Variants in SRC observed in about 807,000 individuals in gnomAD.
SRC encodes proto-oncogene tyrosine-protein kinase Src.
A neutral mutation model predicts 62.9 loss-of-function variants in SRC; 13 were observed. The ratio of observed to expected loss-of-function variants is 0.21; its 90% confidence interval spans 0.13 to 0.33. SRC has a LOEUF of 0.33. Ranked by LOEUF, SRC falls within the 10% of genes least tolerant of loss-of-function variation. The probability of loss-of-function intolerance (pLI) is 1.00; values close to 1 mark genes in which losing one functional copy is unlikely to be tolerated. For missense variants in SRC, 457 were observed against 737.3 expected (o/e 0.62, Z 4.40); for synonymous variants, 302 against 317.5 (o/e 0.95, Z 0.52).
Position 37,365,333 on chromosome 20 carries a change from C to T in SRC, c.-173+56C>T, listed in dbSNP as rs112790817. The T allele has an allele frequency of 5.9e-3, 790 of 135,032 alleles. 5 individuals are homozygous for T. Among genetic ancestry groups the T allele is most frequent in the African/African-American group, 0.017 (630 of 37,142 alleles). The allele number at this position is 135,032 out of a possible 1,614,324, so 8.4% of individuals were successfully genotyped here. Reference sequence around the variant, plus strand: ...GAAAAGACATCAACACACACACACACACACACACACACACACACACACACA... The same window carrying T: ...GAAAAGACATCAACACACACACACATACACACACACACACACACACACACA... On this transcript the variant is annotated intron_variant, in intron 2 of 13. Transcript: ENST00000373578.
chr20:37,401,599 C>G lies in SRC; in HGVS notation c.1040-3C>G. ...AGCTGGAGCTGGGTCTCTCTCTGCC[C>G]AGGGAGTTTGCTGGACTTTCTCAAG... On this transcript the variant is annotated splice_region_variant and splice_polypyrimidine_tract_variant and intron_variant, in intron 10 of 13. Coordinates refer to ENST00000373578, the MANE Select transcript of SRC (RefSeq NM_198291.3). 1 of 1,609,828 alleles carries G rather than the reference C, an allele frequency of 6.2e-7. No homozygotes were observed. Among genetic ancestry groups the G allele is most frequent in the Non-Finnish European group, 8.5e-7 (1 of 1,177,938 alleles).
intron 10 of SRC, 24 bp downstream of exon 10, chr20:37,400,318 G>C (rs2070718894): frequency 6.3e-7 from 1 of 1,587,092 alleles, no homozygotes; most frequent in South Asian, 1.1e-5. Context: ...GGCCGGGGCA[G>C]GGGGCAGGGG....
intron 5 of SRC, among the ~76,000 whole-genome samples, chr20:37,390,388 CTTTT>C (rs562064689): frequency 1.1e-4 from 9 of 85,650 alleles, no homozygotes; most frequent in East Asian, 2.9e-4. Flanking sequence ...TCTGATCTGG[CTTTT>C]TTTTTTTTTT....
chr20:37,384,548 G>GGGA lies in SRC; in HGVS notation c.250+146_250+147insGAG. 1 of 957,592 alleles carries GGGA rather than the reference G, an allele frequency of 1.0e-6. No homozygotes were observed. The highest frequency in any genetic ancestry group is 1.3e-6 in the Non-Finnish European group (1 of 742,048). 59.3% of individuals were successfully genotyped at this position (957,592 alleles called of 1,614,324 possible). On this transcript the variant is annotated intron_variant, in intron 4 of 13. Coordinates refer to ENST00000373578, the MANE Select transcript of SRC (RefSeq NM_198291.3). This position sits in a 1 kb window ranked among gnomAD's most constrained non-coding sequence, Gnocchi z 6.7. Reference sequence around the variant, plus strand: ...CCCTGGGTGACTTGGGTGTCCGGGGGGTGGGGGGGCGGCCGTACACACTGT... The same window carrying GGGA: ...CCCTGGGTGACTTGGGTGTCCGGGGGGGAGTGGGGGGGCGGCCGTACACACTGT...
rs768806773 is a variant in SRC at position 37,393,878 on chromosome 20, CT to C, written c.351-15del. The C allele has an allele frequency of 4.4e-6, 7 of 1,597,952 alleles. No individual in the cohort carries two copies. In the African/African-American group the frequency reaches 9.4e-5, roughly 21 times the overall value. On this transcript the variant is annotated splice_polypyrimidine_tract_variant and intron_variant, in intron 5 of 13. Transcript: ENST00000373578. The stretch of plus-strand genomic sequence containing the variant: ...CGGCTCCCTTCTCCTTTCCTCCCTC[CT>C]TCTGTCCCTGCTCAGAGAGGGAGAC...
chr20:37,394,070 T>C (rs112063147), intron 6 of SRC, 77 bp downstream of exon 6: 5 of 1,559,446 alleles, frequency 3.2e-6, no homozygotes, highest in Non-Finnish European at 2.6e-6. Context: ...TGGGCTGGGG[T>C]GGGAGGTCTG....
At chr20:37,367,013 T>C (rs1257261324) in intron 2 of SRC, among the ~76,000 whole-genome samples, 2 of 152,106 alleles carry the variant, frequency 1.3e-5, no homozygotes, top group Non-Finnish European at 2.9e-5. Flanking sequence ...TTCCAATTTC[T>C]CCACATTCTT....
chr20:37,358,665 G>A (rs2016180039), intron 1 of SRC, among the ~76,000 whole-genome samples: 1 of 152,218 alleles, frequency 6.6e-6, no homozygotes. Context: ...TCTGATAGAG[G>A]CCCCTTTTCT....
chr20:37,356,903 C>T (rs888547853), intron 1 of SRC, among the ~76,000 whole-genome samples: 11 of 152,166 alleles, frequency 7.2e-5, no homozygotes, highest in Admixed American at 2.0e-4. Flanking sequence ...CAGACCTTGG[C>T]CTTTGAGAGC....
chr20:37,402,026 A>T lies in SRC; in HGVS notation c.1116+348A>T. On this transcript the variant is annotated intron_variant, in intron 11 of 13. Transcript: ENST00000373578. The surrounding 1 kb of genome is among the most constrained non-coding windows in gnomAD (Gnocchi z 6.2). ...CCTTTTTTTTTTTCATTTAATCCTCATCACGACCAGGAGTGACGAGGATTG... is the reference window on the plus strand; with the variant it reads ...CCTTTTTTTTTTTCATTTAATCCTCTTCACGACCAGGAGTGACGAGGATTG... 3 of 301,584 alleles carry T rather than the reference A, an allele frequency of 9.9e-6. No individual in the cohort carries two copies. Among genetic ancestry groups the T allele is most frequent in the Non-Finnish European group, 1.8e-5 (3 of 165,080 alleles). The allele number at this position is 301,584 out of a possible 1,614,324, so 18.7% of individuals were successfully genotyped here.
intron 2 of SRC, among the ~76,000 whole-genome samples, chr20:37,380,100 T>G (rs2070344109): frequency 6.6e-6 from 1 of 152,086 alleles, no homozygotes; most frequent in Non-Finnish European, 1.5e-5. Context: ...GGCCTCAGTT[T>G]CCTCATCTGG....
rs758848299 is a variant in SRC at position 37,394,261 on chromosome 20, A to C, written c.537A>C (p.Glu179Asp). 6 of 1,614,000 alleles carry C rather than the reference A, an allele frequency of 3.7e-6. No individual in the cohort carries two copies. ...CGAGAGGGACCTTCCTCGTGCGAGAAAGTGAGACCACGAAAGGTACGAGCG... is the reference window on the plus strand; with the variant it reads ...CGAGAGGGACCTTCCTCGTGCGAGACAGTGAGACCACGAAAGGTACGAGCG... ...ENPRGTFLVR[E>D]SETTKGAYCL... Residue 179 changes from glutamate to aspartate, a missense_variant, in exon 7 of 14, where the codon GAA (glutamate) becomes GAC (aspartate). Physicochemically the swap from Glu to Asp is conservative, Grantham distance 45 (BLOSUM62 2). Transcript: ENST00000373578.
chr20:37,380,299 G>A (rs759980819), intron 2 of SRC, among the ~76,000 whole-genome samples: 1 of 152,144 alleles, frequency 6.6e-6, no homozygotes, highest in Admixed American at 6.5e-5. Flanking sequence ...GGGCCTGTGA[G>A]TTTCAGCCCC....
At chr20:37,370,786 C>T (rs1291656624) in intron 2 of SRC, among the ~76,000 whole-genome samples, 1 of 152,046 alleles carries the variant, frequency 6.6e-6, no homozygotes, top group Non-Finnish European at 1.5e-5. Context: ...CGGGGTAATA[C>T]CGGCTTCAGA....
At chr20:37,354,179 C>T (rs6094421) in intron 1 of SRC, among the ~76,000 whole-genome samples, 1 of 152,102 alleles carries the variant, frequency 6.6e-6, no homozygotes, top group Non-Finnish European at 1.5e-5. Flanking sequence ...TCTCCTGGGG[C>T]GCATTCTGCT....
intron 2 of SRC, among the ~76,000 whole-genome samples, chr20:37,370,545 AGCC>A (rs758834920): frequency 2.0e-5 from 3 of 152,366 alleles, no homozygotes; most frequent in East Asian, 1.9e-4. Flanking sequence ...ACTGCACTCC[AGCC>A]TGGGTGACAG....
intron 6 of SRC, 83 bp from the exon 7 acceptor site, chr20:37,394,091 G>T: frequency 1.3e-6 from 2 of 1,541,972 alleles, no homozygotes; most frequent in Non-Finnish European, 1.8e-6. Flanking sequence ...GCTGTCCAGC[G>T]CCCCAGCCAT....
chr20:37,393,408 G>C (rs958221189), intron 5 of SRC, among the ~76,000 whole-genome samples: 4 of 152,240 alleles, frequency 2.6e-5, no homozygotes, highest in African/African-American at 9.6e-5. Context: ...CCAGCTCCCA[G>C]GAGCGGGCTT....
In SRC at chr20:37,386,618, C is replaced by G. The variant is rs560055254; in HGVS notation, c.350+444C>G. On this transcript the variant is annotated intron_variant, in intron 5 of 13. Transcript: ENST00000373578. Reference sequence around the variant, plus strand: ...CTCACCTCCCAGCTTCTCCCCTCCCCCCTCCACCAATTTGATTAGGTCCTG... The same window carrying G: ...CTCACCTCCCAGCTTCTCCCCTCCCGCCTCCACCAATTTGATTAGGTCCTG... 1.7e-5 allele frequency: 11 copies of G among 660,406 alleles called. No homozygotes were observed. In the East Asian group the frequency reaches 2.4e-4, roughly 15 times the overall value. 40.9% of individuals were successfully genotyped at this position (660,406 alleles called of 1,614,324 possible).
Sources: gnomAD v4.1 joint callset for allele counts (sites outside exome capture counted in the v4.1 genomes callset) on GRCh38, gnomAD v4.1.1 for gene constraint, Gnocchi (gnomAD v3.1) non-coding constraint, MANE v1.5 for transcripts, NCBI Gene and HGNC (gene_info 2026-07-23, HGNC 2026-07-21) for gene names.